The following NAALADL2 variants were observed in gnomAD, a reference collection of about 807,000 sequenced individuals.
NAALADL2 encodes the protein inactive N-acetylated-alpha-linked acidic dipeptidase-like protein 2.
NAALADL2 carries 76 observed loss-of-function variants against 87.2 expected under a neutral mutation model. The observed-to-expected ratio is 0.87, with a 90% confidence interval of 0.72 to 1.05. NAALADL2 has a LOEUF of 1.05. Among genes scored for constraint, NAALADL2 ranks in the 50% least tolerant of loss-of-function variants. The pLI, the probability that NAALADL2 is intolerant of heterozygous loss-of-function variation, is 0.00. For synonymous variants in NAALADL2, 354 were observed against 331.0 expected, an observed-to-expected ratio of 1.07 and a Z score of -0.75; for missense variants, 1,089 against 945.8, an observed-to-expected ratio of 1.15 and a Z score of -1.99.
At chr3:175,700,829 A>G (rs1468508551) in intron 11 of NAALADL2, among the ~76,000 whole-genome samples, 1 of 152,172 alleles carries the variant, frequency 6.6e-6, no homozygotes, top group Non-Finnish European at 1.5e-5. Flanking sequence ...CATGTAATGT[A>G]TACTTATCAT....
intron 3 of NAALADL2, among the ~76,000 whole-genome samples, chr3:174,817,373 G>T (rs1720919562): frequency 6.6e-6 from 1 of 152,166 alleles, no homozygotes; most frequent in Admixed American, 6.5e-5. Flanking sequence ...AGACTCACGT[G>T]GGAGGATTGC....
chr3:174,445,973 G>A (rs1715024531), intron 1 of NAALADL2, among the ~76,000 whole-genome samples: 2 of 152,104 alleles, frequency 1.3e-5, no homozygotes, highest in South Asian at 4.1e-4. Flanking sequence ...TGAAATCAAG[G>A]TTTTCTGTTT....
chr3:175,371,307 G>A (rs113922923), intron 5 of NAALADL2, among the ~76,000 whole-genome samples: 51 of 151,766 alleles, frequency 3.4e-4, no homozygotes, highest in African/African-American at 1.0e-3. Context: ...TCGCTCTTTC[G>A]CCCAGGCCGG....
chr3:174,958,951 A>G (rs935987811), intron 1 of NAALADL2, among the ~76,000 whole-genome samples: 4 of 152,098 alleles, frequency 2.6e-5, no homozygotes, highest in African/African-American at 9.7e-5. Context: ...ACTATCATTC[A>G]AAAAGTAATT....
At chr3:175,625,324 G>A (rs923830449) in intron 10 of NAALADL2, among the ~76,000 whole-genome samples, 1 of 151,914 alleles carries the variant, frequency 6.6e-6, no homozygotes, top group Non-Finnish European at 1.5e-5. Flanking sequence ...TCTGTCCAGC[G>A]TATTATGAAT....
At chr3:174,716,993 T>G (rs185545640) in intron 2 of NAALADL2, among the ~76,000 whole-genome samples, 87 of 151,978 alleles carry the variant, frequency 5.7e-4, no homozygotes, top group Middle Eastern at 6.8e-3. Flanking sequence ...TTTAGAATTG[T>G]TTTTTTTCCA....
At chr3:174,724,151 C>T (rs1019365597) in intron 2 of NAALADL2, among the ~76,000 whole-genome samples, 3 of 152,076 alleles carry the variant, frequency 2.0e-5, no homozygotes, top group African/African-American at 7.2e-5. Context: ...ACATAGTAAA[C>T]TAAAATATGA....
intron 1 of NAALADL2, among the ~76,000 whole-genome samples, chr3:174,521,238 G>A (rs1390839720): frequency 6.6e-6 from 1 of 152,096 alleles, no homozygotes; most frequent in Non-Finnish European, 1.5e-5. Context: ...CGATAGCAAA[G>A]GCATGGAATC....
chr3:175,347,072 T>A (rs1763229652), intron 5 of NAALADL2, among the ~76,000 whole-genome samples: 1 of 141,196 alleles, frequency 7.1e-6, no homozygotes, highest in Admixed American at 6.8e-5. Flanking sequence ...CTCATGACTC[T>A]CAAGCCTGTG....
intron 10 of NAALADL2, among the ~76,000 whole-genome samples, chr3:175,595,090 G>A (rs894035853): frequency 6.6e-6 from 1 of 152,016 alleles, no homozygotes; most frequent in Non-Finnish European, 1.5e-5. Flanking sequence ...TGCACGAAGG[G>A]TATTTCCTAT....
intron 2 of NAALADL2, among the ~76,000 whole-genome samples, chr3:174,638,284 G>A (rs1266528697): frequency 2.6e-5 from 4 of 152,124 alleles, no homozygotes; most frequent in African/African-American, 9.7e-5. Flanking sequence ...GTAGGCCATG[G>A]AGATAACAAA....
intron 2 of NAALADL2, among the ~76,000 whole-genome samples, chr3:174,727,798 A>G (rs1014035030): frequency 7.9e-5 from 12 of 152,130 alleles, no homozygotes; most frequent in African/African-American, 2.7e-4. Context: ...TTGAAAAGGT[A>G]TAGTGGCACA....
Position 174,683,629 on chromosome 3 carries a change from G to GGTGT in NAALADL2, c.-114-53977_-114-53974dup, listed in dbSNP as rs10522220. On this transcript the variant is annotated intron_variant, in intron 2 of 3. Coordinates refer to the NAALADL2 transcript ENST00000434257. ...AGAGTAAGAAATTAACAGAACTTCT[G>GGTGT]GTGTGTGTGTGTGTGTGTGTGTGTG... Among the ~76,000 whole-genome samples, 441 of 147,032 alleles carry GGTGT rather than the reference G, an allele frequency of 3.0e-3. 2 individuals carry two copies. Among genetic ancestry groups the GGTGT allele is most frequent in the African/African-American group, 1.0e-2 (401 of 40,246 alleles).
At chr3:174,597,666 C>A (rs1371718518) in intron 2 of NAALADL2, among the ~76,000 whole-genome samples, 2 of 152,120 alleles carry the variant, frequency 1.3e-5, no homozygotes, top group Admixed American at 1.3e-4. Context: ...GGCTTCAAAC[C>A]CTTTGCAGTG....
intron 11 of NAALADL2, among the ~76,000 whole-genome samples, chr3:175,639,554 T>C (rs902744350): frequency 6.6e-6 from 1 of 152,038 alleles, no homozygotes; most frequent in Non-Finnish European, 1.5e-5. Flanking sequence ...TCTCCTGACC[T>C]CGTGATCCGC....
chr3:174,452,077 G>C (rs773182304), intron 1 of NAALADL2, among the ~76,000 whole-genome samples: 19 of 151,488 alleles, frequency 1.3e-4, no homozygotes, highest in African/African-American at 1.9e-4. Flanking sequence ...TCCTGGCCTC[G>C]AGTGATCTGC....
chr3:175,215,788 C>T (rs1742427745), intron 2 of NAALADL2, among the ~76,000 whole-genome samples: 1 of 152,142 alleles, frequency 6.6e-6, no homozygotes, highest in African/African-American at 2.4e-5. Context: ...AACAGTCTGT[C>T]AATTCAGGAC....
intron 2 of NAALADL2, among the ~76,000 whole-genome samples, chr3:174,687,344 T>G (rs1050496108): frequency 1.3e-5 from 2 of 152,108 alleles, no homozygotes; most frequent in Admixed American, 6.6e-5. Context: ...CCCTACCCAA[T>G]GCACTCTATC....
intron 2 of NAALADL2, among the ~76,000 whole-genome samples, chr3:174,707,413 T>C (rs1237170857): frequency 2.0e-5 from 3 of 151,974 alleles, no homozygotes; most frequent in East Asian, 1.9e-4. Flanking sequence ...CCAACAATGA[T>C]AGACTGGATT....
Sources: allele counts gnomAD v4.1 joint callset (sites outside exome capture counted in the v4.1 genomes callset), GRCh38; gene constraint gnomAD v4.1.1; transcripts MANE v1.5; gene names NCBI Gene and HGNC (gene_info 2026-07-23, HGNC 2026-07-21).